FSTL4: variants seen among roughly 807,000 people sequenced by gnomAD.
FSTL4 encodes the protein follistatin-related protein 4.
A neutral mutation model predicts 78.2 loss-of-function variants in FSTL4; 28 were observed. The observed-to-expected ratio is 0.36, with a 90% confidence interval of 0.27 to 0.49. FSTL4 has a LOEUF of 0.49. Ranked by LOEUF, FSTL4 falls within the 20% of genes least tolerant of loss-of-function variation. FSTL4 has a pLI of 0.98. For synonymous variants in FSTL4, 422 were observed against 440.5 expected (o/e 0.96, Z 0.53); for missense variants, 922 against 1,084.9 (o/e 0.85, Z 2.11).
rs1753810582 is a variant in FSTL4 at position 133,312,546 on chromosome 5, A to G, written c.727+108T>C. ...AAATTCACCAGCTTTCCTCTGTATA[A>G]GAAACCAACCTGGGAGACAACTGAG... On this transcript the variant is annotated intron_variant, in intron 6 of 15. Coordinates refer to ENST00000265342, the MANE Select transcript of FSTL4 (RefSeq NM_015082.2). 16 of 1,046,198 alleles carry G rather than the reference A, an allele frequency of 1.5e-5. No individual in the cohort carries two copies. The South Asian group carries it at 2.2e-4, about 14-fold the overall frequency. The allele number at this position is 1,046,198 out of a possible 1,614,324, so 64.8% of individuals were successfully genotyped here. A position where few individuals can be genotyped will look rare whatever the true frequency, so the allele number is the denominator to read the frequency against.
intron 2 of FSTL4, among the ~76,000 whole-genome samples, chr5:133,577,768 T>C (rs1274660207): frequency 6.6e-6 from 1 of 152,144 alleles, no homozygotes; most frequent in Non-Finnish European, 1.5e-5. Flanking sequence ...TAGCTGGGCA[T>C]GGTGGTGCCT....
intron 3 of FSTL4, among the ~76,000 whole-genome samples, chr5:133,556,880 C>A (rs1452808806): frequency 2.0e-5 from 3 of 152,244 alleles, no homozygotes; most frequent in African/African-American, 7.2e-5. Flanking sequence ...AAGCCACTGC[C>A]AGGTGAGGGG....
chr5:133,592,391 A>C (rs1206623849), intron 2 of FSTL4, among the ~76,000 whole-genome samples: 1 of 152,244 alleles, frequency 6.6e-6, no homozygotes, highest in African/African-American at 2.4e-5. Flanking sequence ...CTTGTAACAC[A>C]AGAACAGTCA....
chr5:133,422,165 T>C (rs1756710453), intron 3 of FSTL4, among the ~76,000 whole-genome samples: 1 of 151,902 alleles, frequency 6.6e-6, no homozygotes, highest in South Asian at 2.1e-4. Context: ...TGGGCAAAGA[T>C]GGGGTTAGAG....
chr5:133,661,887 TG>T, the FSTL4 span, among the ~76,000 whole-genome samples: 1 of 152,252 alleles, frequency 6.6e-6, no homozygotes, highest in African/African-American at 2.4e-5. Context: ...TTTATTAACT[TG>T]TCCTTATTCA....
the FSTL4 span, among the ~76,000 whole-genome samples, chr5:133,729,538 T>A: frequency 3.2e-3 from 491 of 152,216 alleles, 1 homozygote; most frequent in South Asian, 0.017. Context: ...CCCCAACACC[T>A]AACATTGTAT....
At chr5:133,668,168 G>A in the FSTL4 span, among the ~76,000 whole-genome samples, 3 of 152,250 alleles carry the variant, frequency 2.0e-5, no homozygotes, top group Admixed American at 6.5e-5. Flanking sequence ...TCCTGGGCTC[G>A]CTGCACAGGG....
chr5:133,826,892 T>C, the FSTL4 span, among the ~76,000 whole-genome samples: 1 of 152,210 alleles, frequency 6.6e-6, no homozygotes, highest in African/African-American at 2.4e-5. Flanking sequence ...TTCTGTCTTT[T>C]CTTAGGATGT....
At position 133,298,386 on chromosome 5, in the gene FSTL4, G is replaced by A. The variant is rs57888609; in HGVS notation, c.727+14268C>T. On this transcript the variant is annotated intron_variant, in intron 6 of 15. Coordinates refer to ENST00000265342, the MANE Select transcript of FSTL4 (RefSeq NM_015082.2). ...CTGCCCATCCAGCCAACACTCCATC[G>A]TGGGTGGGCTTCCCCACTGTGGGCC... is the stretch of plus-strand genomic sequence containing the variant. 3.1e-4 allele frequency among the ~76,000 whole-genome samples: 47 copies of A among 152,306 alleles called. No homozygotes were observed. In the East Asian group the frequency reaches 7.2e-3, roughly 23 times the overall value.
At chr5:133,785,791 C>T in the FSTL4 span, among the ~76,000 whole-genome samples, 1 of 152,082 alleles carries the variant, frequency 6.6e-6, no homozygotes, top group African/African-American at 2.4e-5. Context: ...GCCATGGTTG[C>T]CGAAGCTCAG....
the FSTL4 span, among the ~76,000 whole-genome samples, chr5:133,718,999 T>C: frequency 6.6e-6 from 1 of 152,350 alleles, no homozygotes; most frequent in South Asian, 2.1e-4. Context: ...AACTTTATGA[T>C]AGATATAAAA....
chr5:133,705,414 CT>C, the FSTL4 span, among the ~76,000 whole-genome samples: 432 of 152,312 alleles, frequency 2.8e-3, 14 homozygotes, highest in East Asian at 0.075. Flanking sequence ...GGCACAGAGG[CT>C]GCCTGCAGGC....
At chr5:133,711,697 G>T in the FSTL4 span, among the ~76,000 whole-genome samples, 1 of 152,166 alleles carries the variant, frequency 6.6e-6, no homozygotes, top group African/African-American at 2.4e-5. Flanking sequence ...AGTTTTCTAG[G>T]TCATGGACTC....
At chr5:133,242,198 G>A (rs1268257914) in intron 7 of FSTL4, among the ~76,000 whole-genome samples, 5 of 152,228 alleles carry the variant, frequency 3.3e-5, no homozygotes, top group Admixed American at 3.3e-4. Context: ...GCATGGGGCT[G>A]GGGAGGGGGA....
chr5:133,221,168 C>T (rs758307225), intron 11 of FSTL4, among the ~76,000 whole-genome samples: 1 of 152,206 alleles, frequency 6.6e-6, no homozygotes. Flanking sequence ...TACATTTGAC[C>T]TTTCCTGTTC....
the FSTL4 span, among the ~76,000 whole-genome samples, chr5:133,721,237 T>C: frequency 2.6e-5 from 4 of 152,256 alleles, no homozygotes; most frequent in African/African-American, 7.2e-5. Flanking sequence ...GTATATTCTT[T>C]AACAACTCAT....
chr5:133,420,481 C>T (rs1756668323), intron 3 of FSTL4, among the ~76,000 whole-genome samples: 1 of 152,188 alleles, frequency 6.6e-6, no homozygotes, highest in African/African-American at 2.4e-5. Context: ...TTTTATTCCT[C>T]CCAAATCTTA....
the FSTL4 span, among the ~76,000 whole-genome samples, chr5:133,766,571 C>A: frequency 6.6e-6 from 1 of 152,176 alleles, no homozygotes; most frequent in African/African-American, 2.4e-5. Context: ...AGGGGAGACT[C>A]AACTGGTCTC....
At chr5:133,709,326 T>C in the FSTL4 span, among the ~76,000 whole-genome samples, 113 of 152,366 alleles carry the variant, frequency 7.4e-4, no homozygotes, top group African/African-American at 2.5e-3. Context: ...GCTGGCAGTG[T>C]TGTCAGATAA....
Sources: gnomAD v4.1 joint callset for allele counts (sites outside exome capture counted in the v4.1 genomes callset) on GRCh38, gnomAD v4.1.1 for gene constraint, MANE v1.5 for transcripts, NCBI Gene and HGNC (gene_info 2026-07-23, HGNC 2026-07-21) for gene names.